Variants in UACA observed in about 807,000 individuals in gnomAD.
UACA encodes the protein nuclear membrane binding protein.
Under a neutral mutation model 160.5 loss-of-function variants are expected in UACA, and 112 were observed. The observed-to-expected ratio is 0.70, with a 90% CI of 0.60 to 0.82. UACA has a LOEUF of 0.82. UACA is among the 40% of genes least tolerant of loss of function. UACA has a pLI of 0.00. For missense variants in UACA, 1,574 were observed against 1,614.6 expected, an observed-to-expected ratio of 0.97 and a Z score of 0.43; for synonymous variants, 557 against 568.4, an observed-to-expected ratio of 0.98 and a Z score of 0.29.
At chr15:70,714,462 T>G (rs895194871) in intron 1 of UACA, among the ~76,000 whole-genome samples, 2 of 152,170 alleles carry the variant, frequency 1.3e-5, no homozygotes, top group African/African-American at 4.8e-5. Context: ...ACTGTATGAT[T>G]TGAAAGTATG....
chr15:70,663,429 A>T (rs1435003741), intron 17 of UACA, among the ~76,000 whole-genome samples: 1 of 152,210 alleles, frequency 6.6e-6, no homozygotes, highest in Non-Finnish European at 1.5e-5. Flanking sequence ...AACTAGTTCA[A>T]CTATTGTGGA....
intron 1 of UACA, among the ~76,000 whole-genome samples, chr15:70,752,556 C>A (rs1276476868): frequency 6.6e-6 from 1 of 151,298 alleles, no homozygotes; most frequent in African/African-American, 2.4e-5. Context: ...CTCTCTCTCT[C>A]TCTAGAGCTC....
intron 1 of UACA, among the ~76,000 whole-genome samples, chr15:70,741,034 AT>A (rs1899518719): frequency 6.6e-6 from 1 of 152,092 alleles, no homozygotes. Flanking sequence ...GCTCAAAAAA[AT>A]AAAAATAAAA....
chr15:70,769,777 A>G, the UACA span, among the ~76,000 whole-genome samples: 3 of 152,154 alleles, frequency 2.0e-5, no homozygotes, highest in African/African-American at 7.2e-5. Context: ...CAGGTGGATC[A>G]TATGAGATCA....
At chr15:70,672,031 G>C (rs1182338367) in intron 13 of UACA, 30 bp from the exon 14 acceptor site, 1 of 1,573,516 alleles carries the variant, frequency 6.4e-7, no homozygotes. Flanking sequence ...ATATTTTAGG[G>C]TGAATGCTGC....
At chr15:70,707,668 G>A (rs563877780) in intron 1 of UACA, among the ~76,000 whole-genome samples, 8 of 151,938 alleles carry the variant, frequency 5.3e-5, no homozygotes, top group African/African-American at 1.7e-4. Context: ...AAAAAGATAT[G>A]TTCAATGTCA....
At chr15:70,702,807 T>C (rs1170806554) in intron 1 of UACA, among the ~76,000 whole-genome samples, 1 of 152,230 alleles carries the variant, frequency 6.6e-6, no homozygotes, top group Non-Finnish European at 1.5e-5. Context: ...GTCTGTCTCC[T>C]AGCATGTTAA....
intron 1 of UACA, among the ~76,000 whole-genome samples, chr15:70,708,128 AG>A (rs1340391975): frequency 6.6e-6 from 1 of 152,212 alleles, no homozygotes; most frequent in African/African-American, 2.4e-5. Context: ...GCTACGACAT[AG>A]ATGAATCTTG....
chr15:70,768,696 C>T, the UACA span, among the ~76,000 whole-genome samples: 1 of 152,160 alleles, frequency 6.6e-6, no homozygotes, highest in Non-Finnish European at 1.5e-5. Flanking sequence ...AGTAAACTTT[C>T]CTGGACCTTG....
intron 17 of UACA, among the ~76,000 whole-genome samples, chr15:70,662,293 C>A (rs909486500): frequency 3.9e-5 from 6 of 152,170 alleles, no homozygotes; most frequent in Non-Finnish European, 8.8e-5. Flanking sequence ...ACCTAGGAAT[C>A]CAACTTACAA....
Position 70,654,827 on chromosome 15 carries a change from GCCAGCATTGT to G in UACA, c.*2219_*2228del, listed in dbSNP as rs1459050665. ...TCTTTCTGAACACAGAATGGCAGTG[GCCAGCATTGT>G]CCATTATCTATGTTCCGCTTGTTTA... On this transcript the variant is annotated 3_prime_UTR_variant, in exon 19 of 19. Coordinates refer to ENST00000322954, the MANE Select transcript of UACA (RefSeq NM_018003.4). 6.6e-6 allele frequency: 1 copy of G among 152,202 alleles called. No homozygotes were observed. The highest frequency in any genetic ancestry group is 6.5e-5 in the Admixed American group (1 of 15,286). The allele number at this position is 152,202 out of a possible 1,614,324, so 9.4% of individuals were successfully genotyped here. A position where few individuals can be genotyped will look rare whatever the true frequency, so the allele number is the denominator to read the frequency against.
intron 18 of UACA, among the ~76,000 whole-genome samples, chr15:70,657,338 T>G (rs999108638): frequency 5.9e-5 from 9 of 152,248 alleles, no homozygotes; most frequent in African/African-American, 1.7e-4. Context: ...CGGCCGGGCG[T>G]GGTGGCTCAC....
chr15:70,715,200 T>C (rs1474525654), intron 1 of UACA, among the ~76,000 whole-genome samples: 2 of 152,210 alleles, frequency 1.3e-5, no homozygotes, highest in African/African-American at 4.8e-5. Context: ...GGAGGGTCAC[T>C]GTGCCTTCTA....
At chr15:70,686,287 G>A (rs1897714171) in intron 7 of UACA, among the ~76,000 whole-genome samples, 1 of 151,764 alleles carries the variant, frequency 6.6e-6, no homozygotes, top group South Asian at 2.1e-4. Flanking sequence ...AAAAGTTACA[G>A]GCAAAGGTAT....
At chr15:70,735,459 T>C (rs959807140) in intron 1 of UACA, among the ~76,000 whole-genome samples, 6 of 151,996 alleles carry the variant, frequency 3.9e-5, no homozygotes, top group Non-Finnish European at 8.8e-5. Flanking sequence ...ACCCCTTAAA[T>C]ATAGGAAACT....
At chr15:70,666,698 A>C (rs1452902079) in intron 16 of UACA, 26 bp downstream of exon 16, 6 of 1,544,944 alleles carry the variant, frequency 3.9e-6, no homozygotes, top group Non-Finnish European at 5.2e-6. Flanking sequence ...TCCAACACAT[A>C]GCCGTGCAGA....
At chr15:70,707,264 A>G (rs1188828586) in intron 1 of UACA, among the ~76,000 whole-genome samples, 2 of 152,182 alleles carry the variant, frequency 1.3e-5, no homozygotes, top group Admixed American at 1.3e-4. Flanking sequence ...ATCTTACATC[A>G]GATGCAAAAA....
In UACA at chr15:70,678,146, T is replaced by TTTGTTC. The variant is rs1275644276; in HGVS notation, c.946_951dup (p.Glu316_Gln317dup). 1 of 1,610,936 alleles carries TTTGTTC rather than the reference T, an allele frequency of 6.2e-7. No homozygotes were observed. Among genetic ancestry groups the TTTGTTC allele is most frequent in the Non-Finnish European group, 8.5e-7 (1 of 1,179,266 alleles). On this transcript the variant is annotated inframe_insertion, in exon 11 of 19. Coordinates refer to ENST00000322954, the MANE Select transcript of UACA (RefSeq NM_018003.4). ...CCATTGACTTTATCCAAAAGTATTC[T>TTTGTTC]TTGTTCTTGCTGAATTTTTCTCAAC... is the stretch of plus-strand genomic sequence containing the variant.
At chr15:70,708,188 T>C (rs1401441321) in intron 1 of UACA, among the ~76,000 whole-genome samples, 1 of 152,122 alleles carries the variant, frequency 6.6e-6, no homozygotes, top group African/African-American at 2.4e-5. Context: ...AGACAAATAC[T>C]GTATGATTTA....
Sources: gnomAD v4.1 joint callset for allele counts (sites outside exome capture counted in the v4.1 genomes callset) on GRCh38, gnomAD v4.1.1 for gene constraint, MANE v1.5 for transcripts, NCBI Gene and HGNC (gene_info 2026-07-23, HGNC 2026-07-21) for gene names.